Variants in EXT2 observed in about 807,000 individuals in gnomAD.
The protein encoded by EXT2 is exostosin glycosyltransferase 2, also known as exostosin-2.
A neutral mutation model predicts 81.6 loss-of-function variants in EXT2; 53 were observed. That is an observed-to-expected ratio of 0.65 (90% confidence interval 0.52 to 0.82). The LOEUF (loss-of-function observed/expected upper bound fraction) is 0.82, where lower values mean the gene tolerates loss of function less well. Among genes scored for constraint, EXT2 ranks in the 40% least tolerant of loss-of-function variants. The probability of loss-of-function intolerance (pLI) is 0.00; values close to 1 mark genes in which losing one functional copy is unlikely to be tolerated. For missense variants in EXT2, 774 were observed against 910.2 expected, an observed-to-expected ratio of 0.85 and a Z score of 1.93; for synonymous variants, 320 against 340.0, an observed-to-expected ratio of 0.94 and a Z score of 0.65.
chr11:44,222,001 A>G (rs182536083), intron 10 of EXT2, among the ~76,000 whole-genome samples: 150 of 152,338 alleles, frequency 9.8e-4, no homozygotes, highest in African/African-American at 3.5e-3. Flanking sequence ...AAGATAAACT[A>G]ATCAGTGTGA....
At chr11:44,131,473 C>T (rs576245495) in intron 7 of EXT2, among the ~76,000 whole-genome samples, 1 of 152,172 alleles carries the variant, frequency 6.6e-6, no homozygotes, top group Admixed American at 6.5e-5. Flanking sequence ...CCTCAGTGAC[C>T]TCATCTGTGC....
At chr11:44,206,428 A>T (rs577876556) in intron 9 of EXT2, among the ~76,000 whole-genome samples, 1 of 152,298 alleles carries the variant, frequency 6.6e-6, no homozygotes, top group African/African-American at 2.4e-5. Flanking sequence ...TCTTCCTGTC[A>T]TTGTGACCTT....
intron 10 of EXT2, among the ~76,000 whole-genome samples, chr11:44,207,297 C>A (rs1238573980): frequency 6.6e-6 from 1 of 152,188 alleles, no homozygotes; most frequent in African/African-American, 2.4e-5. Context: ...AGCAGCTAGG[C>A]GCTGCAACAA....
intron 8 of EXT2, among the ~76,000 whole-genome samples, chr11:44,196,432 C>T (rs1218609672): frequency 6.6e-5 from 10 of 152,074 alleles, no homozygotes; most frequent in Admixed American, 1.3e-4. Flanking sequence ...TTACTTCTCC[C>T]ATAGTCTGTG....
At chr11:44,148,343 TTCTC>T (rs1954748952) in intron 7 of EXT2, among the ~76,000 whole-genome samples, 1 of 152,172 alleles carries the variant, frequency 6.6e-6, no homozygotes, top group Non-Finnish European at 1.5e-5. Context: ...GAGGTTAAAT[TTCTC>T]TCTTAAATTA....
intron 9 of EXT2, among the ~76,000 whole-genome samples, chr11:44,198,817 G>A (rs1184960531): frequency 6.6e-6 from 1 of 152,160 alleles, no homozygotes; most frequent in Non-Finnish European, 1.5e-5. Flanking sequence ...AGTAGTATCT[G>A]CACTTTTTAT....
chr11:44,108,422 A>T (rs894846469), intron 2 of EXT2, among the ~76,000 whole-genome samples, 174 bp downstream of exon 2: 6 of 152,204 alleles, frequency 3.9e-5, no homozygotes, highest in African/African-American at 1.2e-4. Flanking sequence ...CCTGTGTGGC[A>T]GCATCTGCCT....
intron 7 of EXT2, among the ~76,000 whole-genome samples, chr11:44,132,119 A>G (rs780434957): frequency 4.6e-5 from 7 of 152,272 alleles, no homozygotes; most frequent in Non-Finnish European, 8.8e-5. Context: ...ACTATTTTAT[A>G]CTAGAATCTA....
At chr11:44,119,153 T>C (rs866753954) in intron 4 of EXT2, among the ~76,000 whole-genome samples, 1,189 of 94,616 alleles carry the variant, frequency 0.013, 119 homozygotes, top group Non-Finnish European at 0.019. Context: ...TATATATATA[T>C]ATATATATAT....
intron 8 of EXT2, among the ~76,000 whole-genome samples, chr11:44,195,100 A>C (rs1955439197): frequency 6.6e-6 from 1 of 152,202 alleles, no homozygotes; most frequent in Non-Finnish European, 1.5e-5. Context: ...GCTTAATATC[A>C]AAGTGTGATG....
In EXT2 at chr11:44,198,119, T is replaced by A. The variant is rs986710048; in HGVS notation, c.1495+101T>A. On this transcript the variant is annotated intron_variant, in intron 9 of 13. Coordinates refer to ENST00000533608, the MANE Select transcript of EXT2 (RefSeq NM_207122.2). The stretch of plus-strand genomic sequence containing the variant: ...AATTTTCCTGCTTTGTCAATAGCAA[T>A]ACCATTTCTGAGACAGCATGCCTCC... 48 of 1,200,510 alleles carry A rather than the reference T, an allele frequency of 4.0e-5. No homozygotes were observed. In the African/African-American group the frequency reaches 6.3e-4, roughly 16 times the overall value. The allele number at this position is 1,200,510 out of a possible 1,614,324, so 74.4% of individuals were successfully genotyped here.
rs772941175 is a variant in EXT2 at position 44,107,700 on chromosome 11, T to C, written c.-13T>C. 1 of 1,611,606 alleles carries C rather than the reference T, an allele frequency of 6.2e-7. No individual in the cohort carries two copies. Among genetic ancestry groups the C allele is most frequent in the Non-Finnish European group, 8.5e-7 (1 of 1,177,846 alleles). Reference sequence around the variant, plus strand: ...GTGACCAGGAGTGTGAGGAAGAGGCTGTCTGTGTCATTATGTGTGCGTCGG... The same window carrying C: ...GTGACCAGGAGTGTGAGGAAGAGGCCGTCTGTGTCATTATGTGTGCGTCGG... On this transcript the variant is annotated 5_prime_UTR_variant, in exon 2 of 14. Transcript: ENST00000533608.
intron 3 of EXT2, among the ~76,000 whole-genome samples, chr11:44,111,595 C>G (rs1030251432): frequency 6.6e-6 from 1 of 152,206 alleles, no homozygotes; most frequent in Admixed American, 6.5e-5. Flanking sequence ...AAATATCTCT[C>G]ACACATTTCT....
rs572345822 is a variant in EXT2, at chr11:44,173,235, G to A, written c.1305+1493G>A. On this transcript the variant is annotated intron_variant, in intron 8 of 13. Transcript: ENST00000533608. ...TGCCTGAGAGGAAGTCAGTATGTGC[G>A]TATGGTAAAAACAACAGCAAACATC... 4.3e-4 allele frequency among the ~76,000 whole-genome samples: 66 copies of A among 152,268 alleles called. 2 individuals carry two copies. The highest frequency in any genetic ancestry group is 1.4e-3 in the African/African-American group (59 of 41,546).
rs533711295 is a variant in EXT2, at chr11:44,246,254, T to G, written c.*1967T>G. Among the ~76,000 whole-genome samples, 62 of 152,352 alleles carry G rather than the reference T, an allele frequency of 4.1e-4. No individual in the cohort carries two copies. The highest frequency in any genetic ancestry group is 1.4e-3 in the African/African-American group (59 of 41,586). On this transcript the variant is annotated 3_prime_UTR_variant, in exon 14 of 14. Transcript: ENST00000533608. ...GAAATCTCTGCTGAAAGCTATGGAC[T>G]GTGCTGGCATTGTGTATGTGTCATA...
intron 8 of EXT2, among the ~76,000 whole-genome samples, chr11:44,197,343 GT>G (rs1955466854): frequency 6.6e-6 from 1 of 152,128 alleles, no homozygotes; most frequent in East Asian, 1.9e-4. Flanking sequence ...GAATTCCCAG[GT>G]TGGCTTGCTT....
chr11:44,187,197 G>C (rs1286240190), intron 8 of EXT2, among the ~76,000 whole-genome samples: 2 of 151,700 alleles, frequency 1.3e-5, no homozygotes, highest in South Asian at 4.2e-4. Context: ...ACCACATGCC[G>C]TGCTACTTTT....
intron 7 of EXT2, among the ~76,000 whole-genome samples, chr11:44,132,595 C>T (rs1033317077): frequency 3.3e-5 from 5 of 152,102 alleles, no homozygotes; most frequent in African/African-American, 1.2e-4. Flanking sequence ...AATGCTTATC[C>T]CTACCAAGAA....
Position 44,248,992 on chromosome 11 carries a change from T to G in EXT2, c.*4705T>G, listed in dbSNP as rs929260832. On this transcript the variant is annotated 3_prime_UTR_variant, in exon 14 of 14. Coordinates refer to ENST00000533608, the MANE Select transcript of EXT2 (RefSeq NM_207122.2). ...TTTTTGTTTGTTTGTTTGTTTGTTT[T>G]TGTTTTTTTTGTTTTTTCTTTGGAA... Among the ~76,000 whole-genome samples, 3 of 152,142 alleles carry G rather than the reference T, an allele frequency of 2.0e-5. No homozygotes were observed. Among genetic ancestry groups the G allele is most frequent in the African/African-American group, 7.2e-5 (3 of 41,480 alleles).
Sources: allele counts gnomAD v4.1 joint callset (sites outside exome capture counted in the v4.1 genomes callset), GRCh38; gene constraint gnomAD v4.1.1; transcripts MANE v1.5; gene names NCBI Gene and HGNC (gene_info 2026-07-23, HGNC 2026-07-21).